Variants in CDH4 observed in about 807,000 individuals in gnomAD.
The protein encoded by CDH4 is cadherin 4.
A neutral mutation model predicts 86.0 loss-of-function variants in CDH4; 33 were observed. That is an observed-to-expected ratio of 0.38 (90% CI 0.29 to 0.51). The LOEUF (loss-of-function observed/expected upper bound fraction) is 0.51. Ranked by LOEUF, CDH4 falls within the 20% of genes least tolerant of loss-of-function variation. The pLI is 0.86. For synonymous variants in CDH4, 555 were observed against 549.4 expected (o/e 1.01, Z -0.14); for missense variants, 1,114 against 1,307.4 (o/e 0.85, Z 2.28).
chr20:61,675,341 G>A (rs112711417), intron 2 of CDH4, among the ~76,000 whole-genome samples: 21 of 72,772 alleles, frequency 2.9e-4, no homozygotes, highest in African/African-American at 1.1e-3. Flanking sequence ...AAGCACTGCC[G>A]TGGAAACAAC....
Position 61,859,772 on chromosome 20 carries a change from C to T in CDH4, c.877+6874C>T, listed in dbSNP as rs528828916. On this transcript the variant is annotated intron_variant, in intron 6 of 15. Coordinates refer to ENST00000614565, the MANE Select transcript of CDH4 (RefSeq NM_001794.5). The stretch of plus-strand genomic sequence containing the variant: ...TCTCCTGCCAACACTGCAGGATGAC[C>T]GTAGCCTCACGGCCAGCTTCGCTGC... 7.9e-5 allele frequency among the ~76,000 whole-genome samples: 12 copies of T among 152,376 alleles called. No individual in the cohort carries two copies. The South Asian group carries it at 1.2e-3, about 16-fold the overall frequency.
rs10641053 is a variant in CDH4 at position 61,602,694 on chromosome 20, T to TAAAAA, written c.170-140847_170-140843dup. On this transcript the variant is annotated intron_variant, in intron 2 of 15. Transcript: ENST00000614565. The stretch of plus-strand genomic sequence containing the variant: ...TGCTGGGTTTATACATTCACTTTAT[T>TAAAAA]AAAAAAAAAAAAAAAAAAAAAAAAA... Among the ~76,000 whole-genome samples the TAAAAA allele has an allele frequency of 9.8e-3, 874 of 89,096 alleles. 46 individuals carry two copies. The highest frequency in any genetic ancestry group is 0.037 in the African/African-American group (843 of 22,658). The allele number at this position is 89,096 out of a possible 152,430, so 58.5% of individuals were successfully genotyped here. A position where few individuals can be genotyped will look rare whatever the true frequency, so the allele number is the denominator to read the frequency against.
intron 2 of CDH4, among the ~76,000 whole-genome samples, chr20:61,331,417 C>G (rs1235135014): frequency 6.6e-6 from 1 of 152,052 alleles, no homozygotes; most frequent in Non-Finnish European, 1.5e-5. Flanking sequence ...AGCCAACTCC[C>G]ACTGGCTGGC....
intron 3 of CDH4, among the ~76,000 whole-genome samples, chr20:61,767,335 G>T (rs1322482998): frequency 6.6e-6 from 1 of 152,226 alleles, no homozygotes; most frequent in East Asian, 1.9e-4. Flanking sequence ...GGGCCCTGCT[G>T]CCCCCACCGG....
chr20:61,723,369 C>T (rs1270474518), intron 2 of CDH4, among the ~76,000 whole-genome samples: 3 of 152,180 alleles, frequency 2.0e-5, no homozygotes, highest in South Asian at 2.1e-4. Flanking sequence ...GAGCACCGTG[C>T]GCCATGGGGC....
At chr20:61,463,673 C>T (rs1024750468) in intron 2 of CDH4, among the ~76,000 whole-genome samples, 3 of 152,132 alleles carry the variant, frequency 2.0e-5, no homozygotes, top group African/African-American at 7.2e-5. Context: ...GCCACAGCAC[C>T]AGAGCTGTAA....
At chr20:61,535,554 T>TG (rs2085990015) in intron 2 of CDH4, among the ~76,000 whole-genome samples, 1 of 152,240 alleles carries the variant, frequency 6.6e-6, no homozygotes, top group South Asian at 2.1e-4. Flanking sequence ...AAATTACATA[T>TG]GGGAAAGTCA....
intron 2 of CDH4, among the ~76,000 whole-genome samples, chr20:61,547,591 G>T (rs1408404873): frequency 6.7e-6 from 1 of 149,436 alleles, no homozygotes; most frequent in Non-Finnish European, 1.5e-5. Context: ...GGGGGTGGGG[G>T]TGGGGGGATA....
chr20:61,865,966 G>T (rs1438949652), intron 6 of CDH4, among the ~76,000 whole-genome samples: 1 of 152,154 alleles, frequency 6.6e-6, no homozygotes, highest in Non-Finnish European at 1.5e-5. Flanking sequence ...TATTTGATCT[G>T]GTCATTGCTC....
intron 2 of CDH4, among the ~76,000 whole-genome samples, chr20:61,400,150 C>G (rs2085041910): frequency 6.6e-6 from 1 of 152,188 alleles, no homozygotes; most frequent in Admixed American, 6.5e-5. Context: ...GCTCTGATGG[C>G]AACACAGAGG....
At chr20:61,894,855 C>T (rs1824228063) in intron 7 of CDH4, 55 bp from the exon 8 acceptor site, 2 of 1,564,940 alleles carry the variant, frequency 1.3e-6, no homozygotes, top group African/African-American at 2.7e-5. Context: ...AGTGCCCTGT[C>T]AATTAAAACC....
rs990256902 is a variant in CDH4, at chr20:61,777,010, C to A, written c.576+3828C>A. Among the ~76,000 whole-genome samples the A allele has an allele frequency of 3.9e-5, 6 of 152,202 alleles. No homozygotes were observed. The South Asian group carries it at 1.2e-3, about 32-fold the overall frequency. On this transcript the variant is annotated intron_variant, in intron 4 of 15. Transcript: ENST00000614565. ...TGATGAACCCACTGTCCCAAGGAGT[C>A]CCTAGTCACTGGAGCCCTGGGTGAG... is the stretch of plus-strand genomic sequence containing the variant.
chr20:61,826,614 G>A (rs986855856), intron 4 of CDH4, among the ~76,000 whole-genome samples: 2 of 152,238 alleles, frequency 1.3e-5, no homozygotes, highest in Admixed American at 1.3e-4. Flanking sequence ...AAGCTGGTCA[G>A]TATTCCAGAG....
intron 2 of CDH4, among the ~76,000 whole-genome samples, chr20:61,511,635 A>G (rs1448199156): frequency 6.6e-6 from 1 of 152,254 alleles, no homozygotes; most frequent in Non-Finnish European, 1.5e-5. Flanking sequence ...ATGTGTATGC[A>G]TTAAGCGACT....
intron 3 of CDH4, among the ~76,000 whole-genome samples, chr20:61,757,020 C>T (rs896840955): frequency 7.9e-5 from 12 of 152,232 alleles, no homozygotes; most frequent in African/African-American, 1.4e-4. Context: ...GCAACAGTGC[C>T]GTTGGCAAAC....
intron 8 of CDH4, among the ~76,000 whole-genome samples, chr20:61,909,592 G>C (rs966877300): frequency 6.6e-6 from 1 of 152,130 alleles, no homozygotes; most frequent in African/African-American, 2.4e-5. Flanking sequence ...GGTGTTCCTG[G>C]GCTTGTGGTG....
intron 15 of CDH4, among the ~76,000 whole-genome samples, chr20:61,934,717 G>GCCCCCCCCCCC (rs200122965): frequency 2.0e-5 from 3 of 148,680 alleles, no homozygotes; most frequent in African/African-American, 7.7e-5. Context: ...AGGCCAACTT[G>GCCCCCCCCCCC]CCCCCCCTCC....
rs150824256 is a variant in CDH4, at chr20:61,603,274, G to A, written c.170-140289G>A. 1.3e-3 allele frequency among the ~76,000 whole-genome samples: 198 copies of A among 152,300 alleles called. 3 individuals carry two copies. The Middle Eastern group carries it at 0.027, about 21-fold the overall frequency. On this transcript the variant is annotated intron_variant, in intron 2 of 15. Coordinates refer to ENST00000614565, the MANE Select transcript of CDH4 (RefSeq NM_001794.5). ...GTCAAGTCCGTGGAGAGTGTTTGCA[G>A]GAATGGTGAGTGTCATGGAGAAAAC...
At chr20:61,897,910 G>A (rs1045881152) in intron 8 of CDH4, among the ~76,000 whole-genome samples, 24 of 152,326 alleles carry the variant, frequency 1.6e-4, no homozygotes, top group African/African-American at 4.6e-4. Flanking sequence ...AACACAGTCC[G>A]GGAGAGGATC....
Sources: gnomAD v4.1 joint callset for allele counts (sites outside exome capture counted in the v4.1 genomes callset) on GRCh38, gnomAD v4.1.1 for gene constraint, MANE v1.5 for transcripts, NCBI Gene and HGNC (gene_info 2026-07-23, HGNC 2026-07-21) for gene names.